The following GNB1 variants were observed in gnomAD, a reference collection of about 807,000 sequenced individuals.
The protein encoded by GNB1 is G protein subunit beta 1.
GNB1 carries 2 observed loss-of-function variants against 42.9 expected under a neutral mutation model. That is an observed-to-expected ratio of 0.05 (90% CI 0.02 to 0.15). The LOEUF (loss-of-function observed/expected upper bound fraction) is 0.15. Ranked by LOEUF, GNB1 falls within the 10% of genes least tolerant of loss-of-function variation. The pLI is 1.00. For missense variants in GNB1, 193 were observed against 462.2 expected (o/e 0.42, Z 5.34); for synonymous variants, 183 against 174.7 (o/e 1.05, Z -0.38).
intron 7 of GNB1, among the ~76,000 whole-genome samples, chr1:1,802,461 T>C (rs546661527): frequency 1.2e-4 from 18 of 152,262 alleles, no homozygotes; most frequent in Non-Finnish European, 1.6e-4. Context: ...AAATTTCACA[T>C]TGAATGATAA....
chr1:1,808,512 T>C (rs1557892991), intron 5 of GNB1, among the ~76,000 whole-genome samples: 1 of 152,300 alleles, frequency 6.6e-6, no homozygotes, highest in East Asian at 1.9e-4. Context: ...TAGCACAGAA[T>C]GCTGTTTTCA....
intron 3 of GNB1, among the ~76,000 whole-genome samples, chr1:1,819,345 CTT>C (rs1434816258): frequency 6.6e-6 from 1 of 151,918 alleles, no homozygotes; most frequent in Non-Finnish European, 1.5e-5. Flanking sequence ...GTCTCAGCCT[CTT>C]GAGTAGCTGA....
rs144785525 is a variant in GNB1, at chr1:1,797,876, G to A, written c.431-4565C>T. Among the ~76,000 whole-genome samples, 790 of 152,342 alleles carry A rather than the reference G, an allele frequency of 5.2e-3. 2 individuals are homozygous for A. The highest frequency in any genetic ancestry group is 8.5e-3 in the Non-Finnish European group (578 of 68,040). ...GCACAGGACACACTGAAAGGCAGGC[G>A]GGCAAATGCCAAGAAGTCAGCCATG... is the stretch of plus-strand genomic sequence containing the variant. On this transcript the variant is annotated intron_variant, in intron 7 of 11. Transcript: ENST00000378609.
chr1:1,877,012 A>G (rs1214776632), intron 1 of GNB1, among the ~76,000 whole-genome samples: 1 of 152,138 alleles, frequency 6.6e-6, no homozygotes, highest in Non-Finnish European at 1.5e-5. Flanking sequence ...AAAAATCTAT[A>G]TATACAGGCC....
intron 2 of GNB1, among the ~76,000 whole-genome samples, chr1:1,837,052 T>C (rs898716812): frequency 6.6e-6 from 1 of 152,058 alleles, no homozygotes; most frequent in Non-Finnish European, 1.5e-5. Context: ...TTTGCTAATA[T>C]TTTCTGCCAG....
At chr1:1,880,966 C>A (rs1303224269) in intron 1 of GNB1, among the ~76,000 whole-genome samples, 2 of 152,014 alleles carry the variant, frequency 1.3e-5, no homozygotes, top group African/African-American at 2.4e-5. Context: ...GAGATCAGAG[C>A]ACACCCTCGG....
intron 1 of GNB1, among the ~76,000 whole-genome samples, chr1:1,865,306 G>C (rs1648872841): frequency 6.7e-6 from 1 of 148,420 alleles, no homozygotes; most frequent in Non-Finnish European, 1.5e-5. Context: ...AAAAAAACAG[G>C]CAACACATTG....
intron 1 of GNB1, among the ~76,000 whole-genome samples, chr1:1,870,253 A>G (rs979973743): frequency 6.6e-6 from 1 of 152,156 alleles, no homozygotes; most frequent in African/African-American, 2.4e-5. Flanking sequence ...GTACAGTGGC[A>G]TATCATAACT....
At chr1:1,798,716 T>A (rs1646580500) in intron 7 of GNB1, among the ~76,000 whole-genome samples, 1 of 152,206 alleles carries the variant, frequency 6.6e-6, no homozygotes, top group South Asian at 2.1e-4. Flanking sequence ...ATAAGCTTTT[T>A]TTGGAGACGG....
intron 1 of GNB1, among the ~76,000 whole-genome samples, chr1:1,876,539 G>A (rs116559587): frequency 0.011 from 1,669 of 151,956 alleles, 28 homozygotes; most frequent in African/African-American, 0.038. Context: ...CCACGTGCAC[G>A]AGCCAGTGAG....
chr1:1,882,557 G>A (rs1042501683), intron 1 of GNB1, among the ~76,000 whole-genome samples: 2 of 151,942 alleles, frequency 1.3e-5, no homozygotes, highest in Non-Finnish European at 2.9e-5. Flanking sequence ...ATCAAGGGAC[G>A]TCAACAAATT....
At chr1:1,861,025 T>C (rs1426137545) in intron 1 of GNB1, among the ~76,000 whole-genome samples, 1 of 150,770 alleles carries the variant, frequency 6.6e-6, no homozygotes, top group Non-Finnish European at 1.5e-5. Context: ...AGAGAATCCC[T>C]TGAACCCGGG....
intron 2 of GNB1, among the ~76,000 whole-genome samples, chr1:1,836,389 T>A (rs1211851515): frequency 2.2e-4 from 2 of 9,252 alleles, no homozygotes; most frequent in Non-Finnish European, 1.9e-3. Flanking sequence ...TAATATTGCT[T>A]TTTTTTTTTT....
intron 1 of GNB1, among the ~76,000 whole-genome samples, chr1:1,844,080 AG>A (rs1381096049): frequency 6.6e-6 from 1 of 152,030 alleles, no homozygotes; most frequent in African/African-American, 2.4e-5. Flanking sequence ...CTGTAGTCCC[AG>A]CTACTTGGGA....
chr1:1,798,653 G>A (rs1646579567), intron 7 of GNB1, among the ~76,000 whole-genome samples: 1 of 152,206 alleles, frequency 6.6e-6, no homozygotes, highest in Non-Finnish European at 1.5e-5. Flanking sequence ...CCCTGCATTG[G>A]CCCTTAGGGA....
chr1:1,840,662 T>C (rs1647218536), intron 1 of GNB1, among the ~76,000 whole-genome samples: 1 of 152,248 alleles, frequency 6.6e-6, no homozygotes, highest in South Asian at 2.1e-4. Flanking sequence ...AGGAAGCCAC[T>C]AAATAACTAC....
chr1:1,861,441 C>T (rs1648621031), intron 1 of GNB1, among the ~76,000 whole-genome samples: 1 of 152,014 alleles, frequency 6.6e-6, no homozygotes, highest in South Asian at 2.1e-4. Flanking sequence ...GAGCAAGACC[C>T]TGTGTACTGT....
In GNB1 at chr1:1,787,375, C is replaced by T; in HGVS notation, c.979G>A (p.Val327Met). The T allele has an allele frequency of 6.2e-7, 1 of 1,613,774 alleles. No homozygotes were observed. The highest frequency in any genetic ancestry group is 1.7e-5 in the Admixed American group (1 of 60,020). ...AAGCTATCCCAGGACCCTGTCGCCA[C>T]AGCCATGCCATCGTCAGTCACGCCC... ...CLGVTDDGMA[V>M]ATGSWDSFLK... The change falls in exon 11 of 12, where the codon GTG (valine) becomes ATG (methionine). Residue 327 changes from valine (V) to methionine (M), a missense_variant. Physicochemically the swap from Val to Met is conservative, Grantham distance 21. Around this residue, in one of 2 missense-constraint regions of GNB1, gnomAD observed 150 missense variants for 410.8 expected, o/e 0.37. Coordinates refer to ENST00000378609, the MANE Select transcript of GNB1 (RefSeq NM_002074.5). This position sits in a 1 kb window ranked among gnomAD's most constrained non-coding sequence, Gnocchi z 4.4.
At chr1:1,859,922 G>A (rs145661393) in intron 1 of GNB1, among the ~76,000 whole-genome samples, 346 of 152,140 alleles carry the variant, frequency 2.3e-3, no homozygotes, top group African/African-American at 6.7e-3. Context: ...GAGAGGGGAC[G>A]GAAAGCATTA....
Sources: gnomAD v4.1 joint callset for allele counts (sites outside exome capture counted in the v4.1 genomes callset) on GRCh38, gnomAD v4.1.1 for gene constraint, gnomAD v4.1.1 regional missense constraint, Gnocchi (gnomAD v3.1) non-coding constraint, MANE v1.5 for transcripts, NCBI Gene and HGNC (gene_info 2026-07-23, HGNC 2026-07-21) for gene names.